Variants in C1GALT1 observed in about 807,000 individuals in gnomAD.
The protein encoded by C1GALT1 is core 1 synthase, glycoprotein-N-acetylgalactosamine 3-beta-galactosyltransferase 1, also known as glycoprotein-N-acetylgalactosamine 3-beta-galactosyltransferase 1.
A neutral mutation model predicts 31.0 loss-of-function variants in C1GALT1; 11 were observed. The observed-to-expected ratio is 0.36, with a 90% CI of 0.22 to 0.59. C1GALT1 has a LOEUF of 0.59. C1GALT1 is among the 20% of genes least tolerant of loss of function. The probability of loss-of-function intolerance (pLI) is 0.79; values close to 1 mark genes in which losing one functional copy is unlikely to be tolerated. For synonymous variants in C1GALT1, 175 were observed against 143.6 expected (o/e 1.22, Z -1.56); for missense variants, 424 against 425.2 (o/e 1.00, Z 0.03).
At chr7:7,169,174 G>A (rs1780426549) in intron 2 of C1GALT1, among the ~76,000 whole-genome samples, 1 of 152,152 alleles carries the variant, frequency 6.6e-6, no homozygotes, top group African/African-American at 2.4e-5. Flanking sequence ...CCATGTAGTA[G>A]CATATATCAA....
chr7:7,229,645 G>A (rs1782973005), intron 1 of C1GALT1, among the ~76,000 whole-genome samples: 1 of 152,138 alleles, frequency 6.6e-6, no homozygotes, highest in Admixed American at 6.5e-5. Flanking sequence ...CTGGTCCTCA[G>A]ACAATCGAGA....
intron 1 of C1GALT1, among the ~76,000 whole-genome samples, chr7:7,206,941 C>T (rs1781764658): frequency 1.3e-5 from 2 of 152,028 alleles, no homozygotes; most frequent in Admixed American, 1.3e-4. Context: ...TGTGAGTCTC[C>T]TTGAAGTCAT....
intron 2 of C1GALT1, among the ~76,000 whole-genome samples, chr7:7,159,935 C>G (rs537644059): frequency 2.0e-5 from 3 of 152,280 alleles, no homozygotes; most frequent in Non-Finnish European, 2.9e-5. Flanking sequence ...AACTGGAGCA[C>G]AGCATCTCTT....
At chr7:7,189,520 C>T (rs889550632) in intron 1 of C1GALT1, among the ~76,000 whole-genome samples, 1 of 152,074 alleles carries the variant, frequency 6.6e-6, no homozygotes, top group African/African-American at 2.4e-5. Flanking sequence ...GAAATTTGAA[C>T]ATCGTTGACC....
chr7:7,226,324 C>G (rs907742545), intron 1 of C1GALT1, among the ~76,000 whole-genome samples: 1 of 151,812 alleles, frequency 6.6e-6, no homozygotes, highest in African/African-American at 2.4e-5. Flanking sequence ...TTAGAAGTAC[C>G]TGATTGTCAC....
intron 2 of C1GALT1, among the ~76,000 whole-genome samples, chr7:7,176,320 C>T (rs1780505999): frequency 6.6e-6 from 1 of 152,312 alleles, no homozygotes; most frequent in Admixed American, 6.5e-5. Flanking sequence ...TGCAGCTACA[C>T]AATTTGTAAG....
intron 1 of C1GALT1, among the ~76,000 whole-genome samples, chr7:7,230,156 A>G (rs944951028): frequency 6.6e-5 from 10 of 152,158 alleles, no homozygotes; most frequent in Admixed American, 3.3e-4. Context: ...TGGCATGTCA[A>G]TTTTACTTGT....
chr7:7,175,227 G>A (rs1020754390), intron 2 of C1GALT1, among the ~76,000 whole-genome samples: 4 of 152,330 alleles, frequency 2.6e-5, no homozygotes, highest in African/African-American at 9.6e-5. Flanking sequence ...GGTCATGGAA[G>A]ACTCTGTCCC....
chr7:7,174,576 T>C (rs1780485321), intron 2 of C1GALT1, among the ~76,000 whole-genome samples: 1 of 135,094 alleles, frequency 7.4e-6, no homozygotes, highest in Non-Finnish European at 1.6e-5. Context: ...AACTCATCTC[T>C]AGTTAAAAAA....
At chr7:7,192,603 G>A (rs1781121302) in intron 1 of C1GALT1, among the ~76,000 whole-genome samples, 1 of 152,044 alleles carries the variant, frequency 6.6e-6, no homozygotes, top group Admixed American at 6.6e-5. Context: ...TACAAATTGT[G>A]TTGCTATAAA....
rs753352734 is a variant in C1GALT1, at chr7:7,243,700, T to C, written c.1065T>C (p.Asp355=). Reference sequence around the variant, plus strand: ...TTAGTCAAGCAAACAAAAATGAAGATACAAAAGTGAAGTTAGGAAATCCTT... The same window carrying C: ...TTAGTCAAGCAAACAAAAATGAAGACACAAAAGTGAAGTTAGGAAATCCTT... The part of the protein sequence containing the change: ...KEISQANKNE[D]TKVKLGNP The change falls in exon 4 of 4, where the codon GAT becomes GAC. Residue 355 remains aspartate (D), a synonymous_variant. Coordinates refer to ENST00000436587, the MANE Select transcript of C1GALT1 (RefSeq NM_020156.5). 4 of 1,607,164 alleles carry C rather than the reference T, an allele frequency of 2.5e-6. No individual in the cohort carries two copies. The highest frequency in any genetic ancestry group is 2.2e-5 in the South Asian group (2 of 90,248).
intron 1 of C1GALT1, among the ~76,000 whole-genome samples, chr7:7,204,679 G>T (rs1781660439): frequency 6.6e-6 from 1 of 151,954 alleles, no homozygotes; most frequent in Non-Finnish European, 1.5e-5. Flanking sequence ...TTTGTTTCGT[G>T]TGTTAATAAC....
intron 1 of C1GALT1, among the ~76,000 whole-genome samples, chr7:7,184,368 A>G (rs896556524): frequency 6.6e-6 from 1 of 152,158 alleles, no homozygotes; most frequent in African/African-American, 2.4e-5. Context: ...GTATCTTCCT[A>G]CTTAGGATTA....
intron 1 of C1GALT1, chr7:7,183,462 TGGGGCATTC>T (rs1282040957): frequency 6.3e-6 from 2 of 317,706 alleles, no homozygotes; most frequent in South Asian, 2.5e-4. Context: ...ACGTGTGTGT[TGGGGCATTC>T]GGGGCATGGA....
chr7:7,234,465 G>A lies in C1GALT1; in HGVS notation c.146G>A (p.Arg49Lys). The A allele has an allele frequency of 6.2e-7, 1 of 1,613,918 alleles. No homozygotes were observed. The highest frequency in any genetic ancestry group is 8.5e-7 in the Non-Finnish European group (1 of 1,179,918). Reference sequence around the variant, plus strand: ...GTTCTTCATAATGATCCTCATGCAAGGCATTCAGATGATAATGGACAGAAT... The same window carrying A: ...GTTCTTCATAATGATCCTCATGCAAAGCATTCAGATGATAATGGACAGAAT... ...PNVLHNDPHA[R>K]HSDDNGQNHL... Residue 49 changes from arginine to lysine, a missense_variant, in exon 2 of 4, where the codon AGG (arginine) becomes AAG (lysine). This residue lies in a region of C1GALT1 where 189 missense variants were observed against 158.2 expected (regional missense o/e 1.19). Transcript: ENST00000436587.
chr7:7,239,290 A>T (rs1212389855), intron 3 of C1GALT1, among the ~76,000 whole-genome samples: 3 of 152,194 alleles, frequency 2.0e-5, no homozygotes, highest in African/African-American at 7.2e-5. Flanking sequence ...TAAGCCAAGT[A>T]AGGGGATGGA....
At chr7:7,160,873 GA>G (rs1203131297) in intron 2 of C1GALT1, among the ~76,000 whole-genome samples, 3 of 151,444 alleles carry the variant, frequency 2.0e-5, no homozygotes, top group Non-Finnish European at 4.4e-5. Flanking sequence ...AACTATAGCT[GA>G]AAAAAACCTT....
intron 1 of C1GALT1, among the ~76,000 whole-genome samples, chr7:7,200,568 C>A (rs574629517): frequency 6.6e-6 from 1 of 152,288 alleles, no homozygotes; most frequent in Non-Finnish European, 1.5e-5. Context: ...GGGGGTTCTC[C>A]TGGATTATAT....
chr7:7,204,285 GTTA>G (rs960760758), intron 1 of C1GALT1, among the ~76,000 whole-genome samples: 7 of 151,904 alleles, frequency 4.6e-5, no homozygotes, highest in African/African-American at 1.7e-4. Context: ...TTTTCTGTTT[GTTA>G]TTCTGTTTCA....
Sources: gnomAD v4.1 joint callset for allele counts (sites outside exome capture counted in the v4.1 genomes callset) on GRCh38, gnomAD v4.1.1 for gene constraint, gnomAD v4.1.1 regional missense constraint, MANE v1.5 for transcripts, NCBI Gene and HGNC (gene_info 2026-07-23, HGNC 2026-07-21) for gene names.